Variants in ELAC2 observed in about 807,000 individuals in gnomAD.
ELAC2 encodes the protein elaC ribonuclease Z 2.
In ELAC2, 92 loss-of-function variants were observed where a neutral mutation model predicts 105.2. The observed-to-expected ratio is 0.87, with a 90% CI of 0.74 to 1.04. The LOEUF (loss-of-function observed/expected upper bound fraction) is 1.04. ELAC2 is among the 50% of genes least tolerant of loss of function. ELAC2 has a pLI of 0.00. For synonymous variants in ELAC2, 468 were observed against 409.1 expected (o/e 1.14, Z -1.74); for missense variants, 1,099 against 1,071.7 (o/e 1.03, Z -0.36).
chr17:12,994,632 C>T (rs891708688), intron 21 of ELAC2, 129 bp from the exon 22 acceptor site: 81 of 1,600,408 alleles, frequency 5.1e-5, no homozygotes, highest in East Asian at 2.2e-5. Context: ...AGGATGACAA[C>T]CAGAGACTCT....
At chr17:12,999,569 T>C (rs1456879600) in intron 15 of ELAC2, among the ~76,000 whole-genome samples, 2 of 152,244 alleles carry the variant, frequency 1.3e-5, no homozygotes, top group Non-Finnish European at 2.9e-5. Context: ...CCACAGGTGT[T>C]CACTAAAACG....
At position 13,003,362 on chromosome 17, in the gene ELAC2, A is replaced by C; in HGVS notation, c.1079+117T>G. 7.3e-6 allele frequency: 7 copies of C among 959,392 alleles called. 1 individual carries two copies. The South Asian group carries it at 9.0e-5, about 12-fold the overall frequency. 59.4% of individuals were successfully genotyped at this position (959,392 alleles called of 1,614,324 possible). On this transcript the variant is annotated intron_variant, in intron 12 of 23. Coordinates refer to ENST00000338034, the MANE Select transcript of ELAC2 (RefSeq NM_018127.7). The stretch of plus-strand genomic sequence containing the variant: ...TTCTGGGAAGGCAGGAATCCCACAG[A>C]AAGTTTAGGCAGGTGCAGAAGGGTA...
rs567494102 is a variant in ELAC2 at position 12,992,936 on chromosome 17, C to T, written c.2363G>A (p.Arg788Gln). Reference sequence around the variant, plus strand: ...GGACAGGAGGGCCGCCCGCACCTGCCGCAGCTCCCGCTTCTCCCTGCGCTC... The same window carrying T: ...GGACAGGAGGGCCGCCCGCACCTGCTGCAGCTCCCGCTTCTCCCTGCGCTC... ...MEERREKREL[R>Q]QVRAALLSRE... Residue 788 changes from arginine (R) to glutamine (Q), a missense_variant, in exon 24 of 24, where the codon CGG becomes CAG. Coordinates refer to ENST00000338034, the MANE Select transcript of ELAC2 (RefSeq NM_018127.7). The T allele has an allele frequency of 2.6e-5, 42 of 1,611,432 alleles. No homozygotes were observed. Among genetic ancestry groups the T allele is most frequent in the East Asian group, 1.1e-4 (5 of 44,864 alleles).
rs551260559 is a variant in ELAC2, at chr17:12,992,149, T to A, written c.*669A>T. Among the ~76,000 whole-genome samples, 4 of 130,070 alleles carry A rather than the reference T, an allele frequency of 3.1e-5. 1 individual carries two copies. Among genetic ancestry groups the A allele is most frequent in the South Asian group, 4.7e-4 (2 of 4,262 alleles). 85.3% of individuals were successfully genotyped at this position (130,070 alleles called of 152,430 possible). On this transcript the variant is annotated 3_prime_UTR_variant, in exon 24 of 24. Coordinates refer to ENST00000338034, the MANE Select transcript of ELAC2 (RefSeq NM_018127.7). Reference sequence around the variant, plus strand: ...TGATTTGATTGATTGATTGATTGATTGATAGAGAAAGCACGCCCTGCTGTG... The same window carrying A: ...TGATTTGATTGATTGATTGATTGATAGATAGAGAAAGCACGCCCTGCTGTG...
At position 13,011,800 on chromosome 17, in the gene ELAC2, C is replaced by T. The variant is rs1479156985; in HGVS notation, c.560-18G>A. 1.9e-6 allele frequency: 3 copies of T among 1,614,092 alleles called. No individual in the cohort carries two copies. Among genetic ancestry groups the T allele is most frequent in the Admixed American group, 1.7e-5 (1 of 60,010 alleles). ...CTGTTCACCTGGTCAGTACAGATAC[C>T]ACCAAATTACACACTGCACAAGGTG... On this transcript the variant is annotated intron_variant, in intron 6 of 23. Transcript: ENST00000338034.
chr17:12,992,997 T>C lies in ELAC2; in HGVS notation c.2302A>G (p.Lys768Glu). The C allele has an allele frequency of 6.2e-7, 1 of 1,606,772 alleles. No individual in the cohort carries two copies. Among genetic ancestry groups the C allele is most frequent in the Non-Finnish European group, 8.5e-7 (1 of 1,178,118 alleles). ...TCGATGTCGCCAGCAAACAGGGCTTTCAGTGGGGGAATCAGCTTGGGCATT... is the reference window on the plus strand; with the variant it reads ...TCGATGTCGCCAGCAAACAGGGCTTCCAGTGGGGGAATCAGCTTGGGCATT... ...PTMPKLIPPL[K>E]ALFAGDIEEM... is the part of the protein sequence containing the mutation. Residue 768 changes from lysine to glutamate, a missense_variant, in exon 24 of 24, where the codon AAA (lysine) becomes GAA (glutamate). By Grantham distance (56) the Lys-to-Glu change is moderately conservative (BLOSUM62 1). Coordinates refer to ENST00000338034, the MANE Select transcript of ELAC2 (RefSeq NM_018127.7).
intron 5 of ELAC2, among the ~76,000 whole-genome samples, chr17:13,013,540 A>G (rs2041546817): frequency 6.6e-6 from 1 of 152,238 alleles, no homozygotes; most frequent in African/African-American, 2.4e-5. Context: ...AAAACAAGAA[A>G]CTAGTACTCA....
chr17:13,003,443 G>T, intron 12 of ELAC2, 36 bp downstream of exon 12: 1 of 1,592,542 alleles, frequency 6.3e-7, no homozygotes, highest in South Asian at 1.1e-5. Flanking sequence ...CTGCCCAGAA[G>T]AGTTACCCCA....
At chr17:13,003,310 T>G in intron 12 of ELAC2, 169 bp downstream of exon 12, 2 of 703,586 alleles carry the variant, frequency 2.8e-6, no homozygotes, top group Non-Finnish European at 5.1e-6. Context: ...TCTTCACGAG[T>G]GTAGCACAGA....
In ELAC2 at chr17:13,005,984, A is replaced by T; in HGVS notation, c.739-5T>A. 1 of 1,614,052 alleles carries T rather than the reference A, an allele frequency of 6.2e-7. No homozygotes were observed. Among genetic ancestry groups the T allele is most frequent in the Non-Finnish European group, 8.5e-7 (1 of 1,179,880 alleles). The stretch of plus-strand genomic sequence containing the variant: ...GTTTCCTCTCTTTAAGTGAAGCTGC[A>T]ACAAAGAGAACATAGATGTGATCTT... On this transcript the variant is annotated splice_polypyrimidine_tract_variant and splice_region_variant and intron_variant, in intron 8 of 23. Transcript: ENST00000338034.
chr17:13,012,841 T>C (rs2041493905), intron 6 of ELAC2, among the ~76,000 whole-genome samples: 1 of 152,168 alleles, frequency 6.6e-6, no homozygotes, highest in South Asian at 2.1e-4. Flanking sequence ...GCTGTAATCA[T>C]TATTTATTTA....
Position 12,994,790 on chromosome 17 carries a change from A to T in ELAC2, c.2003T>A (p.Met668Lys). The change falls in exon 21 of 24, where the codon ATG becomes AAG. Residue 668 changes from methionine to lysine, a missense_variant. Met to Lys is a moderately conservative substitution (Grantham distance 95, BLOSUM62 -1). Coordinates refer to ENST00000338034, the MANE Select transcript of ELAC2 (RefSeq NM_018127.7). ...CATCCGGACCAGAGCCTCGCAGGGCATGGTGTCCCCGGAATAGACCACTTT... is the reference window on the plus strand; with the variant it reads ...CATCCGGACCAGAGCCTCGCAGGGCTTGGTGTCCCCGGAATAGACCACTTT... ...GWKVVYSGDT[M>K]PCEALVRMGK... 1.9e-6 allele frequency: 3 copies of T among 1,613,952 alleles called. No homozygotes were observed. The highest frequency in any genetic ancestry group is 2.5e-6 in the Non-Finnish European group (3 of 1,180,022).
At chr17:13,002,225 G>C in intron 14 of ELAC2, 49 bp downstream of exon 14, 2 of 1,598,430 alleles carry the variant, frequency 1.3e-6, no homozygotes, top group Non-Finnish European at 1.7e-6. Context: ...TTACAGAAAT[G>C]TTTCCCAACT....
Position 12,992,759 on chromosome 17 carries a change from C to T in ELAC2, c.*59G>A, listed in dbSNP as rs991035115. 63 of 1,593,708 alleles carry T rather than the reference C, an allele frequency of 4.0e-5. No homozygotes were observed. In the East Asian group the frequency reaches 1.1e-3, roughly 27 times the overall value. The stretch of plus-strand genomic sequence containing the variant: ...CTTCTACCAGCAAGGAGGGCAGATA[C>T]GGGTGCGTGCGTGGGGCAGAAGACA... On this transcript the variant is annotated 3_prime_UTR_variant, in exon 24 of 24. Transcript: ENST00000338034.
At chr17:13,017,426 G>A in intron 1 of ELAC2, 1 of 653,974 alleles carries the variant, frequency 1.5e-6, no homozygotes, top group East Asian at 2.7e-5. Flanking sequence ...GGGGTGCACG[G>A]AAGAGGGTGG....
At chr17:12,994,528 G>C (rs1445285110) in intron 21 of ELAC2, 25 bp from the exon 22 acceptor site, 5 of 1,613,868 alleles carry the variant, frequency 3.1e-6, no homozygotes, top group Non-Finnish European at 4.2e-6. Flanking sequence ...CAAGGATCAG[G>C]GCAGAGTTCT....
In ELAC2 at chr17:13,000,220, A is replaced by C; in HGVS notation, c.1359T>G (p.Leu453=). The C allele has an allele frequency of 1.9e-6, 3 of 1,614,098 alleles. No homozygotes were observed. The South Asian group carries it at 3.3e-5, about 18-fold the overall frequency. ...PEEFIVEALQ[L]PNFQQSVQEY... ...CCTGCACGCTCTGCTGGAAGTTGGG[A>C]AGCTGCAGCGCCTCAACTATGAATT... is the stretch of plus-strand genomic sequence containing the variant. Residue 453 remains leucine (L), a synonymous_variant, in exon 15 of 24, where the codon CTT becomes CTG. Coordinates refer to ENST00000338034, the MANE Select transcript of ELAC2 (RefSeq NM_018127.7).
chr17:13,011,418 A>G, intron 7 of ELAC2, among the ~76,000 whole-genome samples: 1 of 152,198 alleles, frequency 6.6e-6, no homozygotes, highest in African/African-American at 2.4e-5. Flanking sequence ...AACAGAACAC[A>G]GTTTTGGGCC....
chr17:13,011,633 T>C, intron 7 of ELAC2, 30 bp downstream of exon 7: 1 of 1,614,174 alleles, frequency 6.2e-7, no homozygotes, highest in Non-Finnish European at 8.5e-7. Context: ...CGCAAGCCTT[T>C]CTGCTGCTCT....
Sources: allele counts gnomAD v4.1 joint callset (sites outside exome capture counted in the v4.1 genomes callset), GRCh38; gene constraint gnomAD v4.1.1; transcripts MANE v1.5; gene names NCBI Gene and HGNC (gene_info 2026-07-23, HGNC 2026-07-21).